PDZRN3: variants seen among roughly 807,000 people sequenced by gnomAD.
PDZRN3 encodes the protein PDZ domain containing ring finger 3.
PDZRN3 carries 38 observed loss-of-function variants against 85.7 expected under a neutral mutation model. The observed-to-expected ratio is 0.44, with a 90% CI of 0.34 to 0.58. The LOEUF (loss-of-function observed/expected upper bound fraction) is 0.58, where lower values mean the gene tolerates loss of function less well. PDZRN3 is among the 20% of genes least tolerant of loss of function. The pLI, the probability that PDZRN3 is intolerant of heterozygous loss-of-function variation, is 0.01. For missense variants in PDZRN3, 1,629 were observed against 1,506.4 expected (o/e 1.08, Z -1.35); for synonymous variants, 759 against 638.0 (o/e 1.19, Z -2.86).
intron 3 of PDZRN3, among the ~76,000 whole-genome samples, chr3:73,416,475 A>C (rs994979713): frequency 2.0e-5 from 3 of 151,792 alleles, no homozygotes; most frequent in African/African-American, 7.3e-5. Context: ...CTGGATCGCA[A>C]GTCACTGTTC....
At chr3:73,519,679 C>A (rs1231159059) in intron 3 of PDZRN3, among the ~76,000 whole-genome samples, 1 of 152,164 alleles carries the variant, frequency 6.6e-6, no homozygotes, top group Non-Finnish European at 1.5e-5. Context: ...ACAGAAAAAA[C>A]ATCAAGTTAC....
intron 5 of PDZRN3, among the ~76,000 whole-genome samples, chr3:73,396,255 A>ACCAG: frequency 6.6e-6 from 1 of 152,166 alleles, no homozygotes; most frequent in Admixed American, 6.6e-5. Flanking sequence ...TACTGGTGGC[A>ACCAG]TAGGGATGCT....
intron 3 of PDZRN3, among the ~76,000 whole-genome samples, chr3:73,461,850 G>T (rs1400800243): frequency 1.3e-5 from 2 of 152,174 alleles, no homozygotes; most frequent in African/African-American, 4.8e-5. Flanking sequence ...CACTACGGCA[G>T]GGCCAGCGCT....
intron 3 of PDZRN3, among the ~76,000 whole-genome samples, chr3:73,529,163 C>T (rs991756586): frequency 6.6e-6 from 1 of 152,180 alleles, no homozygotes; most frequent in African/African-American, 2.4e-5. Context: ...ATCTTACGGT[C>T]TGTCTTTCTA....
chr3:73,493,759 G>A (rs568949842), intron 3 of PDZRN3, among the ~76,000 whole-genome samples: 1 of 152,274 alleles, frequency 6.6e-6, no homozygotes, highest in East Asian at 1.9e-4. Context: ...TTGGTTAAGG[G>A]ATGGCACATG....
chr3:73,623,430 G>C (rs1702899032), intron 1 of PDZRN3: 1 of 152,258 alleles, frequency 6.6e-6, no homozygotes, highest in South Asian at 2.1e-4. Context: ...ATACCTCAGG[G>C]GTGCCTGGCT....
intron 3 of PDZRN3, chr3:73,474,498 T>A: frequency 7.8e-7 from 1 of 1,288,834 alleles, no homozygotes; most frequent in Non-Finnish European, 1.0e-6. Flanking sequence ...TAGAGTAAAT[T>A]TACTGAACAA....
intron 3 of PDZRN3, chr3:73,408,320 T>C (rs2106739293): frequency 1.5e-6 from 1 of 655,798 alleles, no homozygotes; most frequent in Non-Finnish European, 2.8e-6. Context: ...ATGAGATAAC[T>C]TACTGGTAAT....
intron 3 of PDZRN3, among the ~76,000 whole-genome samples, chr3:73,500,617 TC>T (rs1703958776): frequency 6.6e-6 from 1 of 152,174 alleles, no homozygotes; most frequent in South Asian, 2.1e-4. Context: ...GCCTTCTTGT[TC>T]TAGAGTGGAT....
intron 3 of PDZRN3, among the ~76,000 whole-genome samples, chr3:73,589,884 GATTTATATATAT>G (rs1702328663): frequency 6.6e-6 from 1 of 151,966 alleles, no homozygotes; most frequent in Non-Finnish European, 1.5e-5. Context: ...TAAATGTTCA[GATTTATATATAT>G]ATTCATATAG....
chr3:73,539,725 G>A (rs573873049), intron 3 of PDZRN3, among the ~76,000 whole-genome samples: 1 of 152,084 alleles, frequency 6.6e-6, no homozygotes, highest in Non-Finnish European at 1.5e-5. Context: ...ATGAATCCTG[G>A]GTGCTTCAAG....
chr3:73,569,008 AGGTATCAT>A (rs1702000246), intron 3 of PDZRN3: 1 of 406,468 alleles, frequency 2.5e-6, no homozygotes, highest in Admixed American at 3.0e-5. Context: ...CTCAGGAGGT[AGGTATCAT>A]TATTCCCATT....
rs35284667 is a variant in PDZRN3 at position 73,458,995 on chromosome 3, C to CAAA, written c.919-54603_919-54601dup. On this transcript the variant is annotated intron_variant, in intron 3 of 9. Transcript: ENST00000263666. The stretch of plus-strand genomic sequence containing the variant: ...CAACAGAGCAAAACTCCATCTCAAA[C>CAAA]AAAAAAAAAAAAAGAAAAAAAAGAA... Among the ~76,000 whole-genome samples, 179 of 124,138 alleles carry CAAA rather than the reference C, an allele frequency of 1.4e-3. 1 individual carries two copies. The highest frequency in any genetic ancestry group is 4.2e-3 in the Middle Eastern group (1 of 238). The allele number at this position is 124,138 out of a possible 152,430, so 81.4% of individuals were successfully genotyped here.
At chr3:73,427,662 G>T (rs1702345146) in intron 3 of PDZRN3, among the ~76,000 whole-genome samples, 2 of 152,204 alleles carry the variant, frequency 1.3e-5, no homozygotes, top group African/African-American at 4.8e-5. Context: ...AACCATTAGA[G>T]ACCAGGGATA....
In PDZRN3 at chr3:73,400,922, C is replaced by T; in HGVS notation, c.1254G>A (p.Glu418=). The change falls in exon 5 of 10, where the codon GAG becomes GAA. Residue 418 remains glutamate, a splice_region_variant and synonymous_variant. Coordinates refer to ENST00000263666, the MANE Select transcript of PDZRN3 (RefSeq NM_015009.3). ...QEMDREELEL[E]EVDLYRMNSQ... The stretch of plus-strand genomic sequence containing the variant: ...AATGAGACAAGGATGTTCTTCATAC[C>T]TCCAGCTCCAGCTCCTCCCTGTCCA... 1 of 1,602,088 alleles carries T rather than the reference C, an allele frequency of 6.2e-7. No homozygotes were observed. Among genetic ancestry groups the T allele is most frequent in the Non-Finnish European group, 8.6e-7 (1 of 1,169,060 alleles).
rs763622913 is a variant in PDZRN3 at position 73,384,649 on chromosome 3, C to G, written c.1917G>C (p.Pro639=). ...CGCGGAAGCGCTCGCACTCGTCCAC[C>G]GGGATCCCCAGGTAGTCGGCGTCCG... The part of the protein sequence containing the change: ...DCTDADYLGI[P]VDECERFREL... Residue 639 remains proline, a synonymous_variant, in exon 10 of 10, where the codon CCG becomes CCC. Coordinates refer to ENST00000263666, the MANE Select transcript of PDZRN3 (RefSeq NM_015009.3). 8 of 1,613,932 alleles carry G rather than the reference C, an allele frequency of 5.0e-6. No homozygotes were observed. In the Admixed American group the frequency reaches 5.0e-5, roughly 10 times the overall value.
chr3:73,561,947 T>C (rs1701826521), intron 3 of PDZRN3, among the ~76,000 whole-genome samples: 1 of 152,040 alleles, frequency 6.6e-6, no homozygotes, highest in South Asian at 2.1e-4. Flanking sequence ...AAGCTGTTTG[T>C]TTTTCATTAG....
intron 3 of PDZRN3, among the ~76,000 whole-genome samples, chr3:73,440,004 C>A (rs1407385030): frequency 6.6e-6 from 1 of 152,130 alleles, no homozygotes; most frequent in Non-Finnish European, 1.5e-5. Flanking sequence ...TCCCAAAGTG[C>A]TGACATTACA....
chr3:73,527,453 T>C (rs1021050947), intron 3 of PDZRN3, among the ~76,000 whole-genome samples: 2 of 152,198 alleles, frequency 1.3e-5, no homozygotes, highest in African/African-American at 4.8e-5. Flanking sequence ...GAATGTGCAG[T>C]AGATATTAGG....
Sources: gnomAD v4.1 joint callset for allele counts (sites outside exome capture counted in the v4.1 genomes callset) on GRCh38, gnomAD v4.1.1 for gene constraint, MANE v1.5 for transcripts, NCBI Gene and HGNC (gene_info 2026-07-23, HGNC 2026-07-21) for gene names.